GABRB2: variants seen among roughly 807,000 people sequenced by gnomAD.
GABRB2 encodes the protein gamma-aminobutyric acid receptor subunit beta-2.
In GABRB2, 16 loss-of-function variants were observed where a neutral mutation model predicts 54.7. The observed-to-expected ratio is 0.29, with a 90% CI of 0.20 to 0.44. GABRB2 has a LOEUF of 0.44. Among genes scored for constraint, GABRB2 ranks in the 20% least tolerant of loss-of-function variants. The pLI is 1.00. For synonymous variants in GABRB2, 244 were observed against 233.8 expected (o/e 1.04, Z -0.40); for missense variants, 355 against 644.0 (o/e 0.55, Z 4.86).
At chr5:161,347,654 GT>G in intron 5 of GABRB2, among the ~76,000 whole-genome samples, 1 of 152,190 alleles carries the variant, frequency 6.6e-6, no homozygotes, top group East Asian at 1.9e-4. Context: ...CAGCCCACCT[GT>G]GTGAGGACCA....
rs1190636223 is a variant in GABRB2 at position 161,291,253 on chromosome 5, G to A, written c.*2828C>T. 6.6e-6 allele frequency: 1 copy of A among 152,392 alleles called. No individual in the cohort carries two copies. The highest frequency in any genetic ancestry group is 2.4e-5 in the African/African-American group (1 of 41,414). The allele number at this position is 152,392 out of a possible 1,614,324, so 9.4% of individuals were successfully genotyped here. ...CACCTTAATTGCTGGCTATCTGGCT[G>A]TTTATAATTAAAAGAAAATCTATAC... On this transcript the variant is annotated 3_prime_UTR_variant, in exon 10 of 10. Transcript: ENST00000393959.
chr5:161,451,131 A>C (rs1748880432), intron 4 of GABRB2, among the ~76,000 whole-genome samples: 1 of 152,150 alleles, frequency 6.6e-6, no homozygotes, highest in Non-Finnish European at 1.5e-5. Context: ...AAGAGGATAA[A>C]ATTAATAAAA....
chr5:161,296,670 A>G (rs1001001146), intron 9 of GABRB2, among the ~76,000 whole-genome samples: 1 of 152,248 alleles, frequency 6.6e-6, no homozygotes, highest in Non-Finnish European at 1.5e-5. Flanking sequence ...GAATTAAAAA[A>G]AAAATGATTG....
At chr5:161,327,252 G>A (rs548871810) in intron 8 of GABRB2, among the ~76,000 whole-genome samples, 5 of 152,230 alleles carry the variant, frequency 3.3e-5, no homozygotes, top group African/African-American at 1.2e-4. Context: ...TGAAGACAAC[G>A]GTGAAAGTGA....
At chr5:161,398,986 C>A (rs1300775732) in intron 5 of GABRB2, among the ~76,000 whole-genome samples, 1 of 152,098 alleles carries the variant, frequency 6.6e-6, no homozygotes, top group Non-Finnish European at 1.5e-5. Flanking sequence ...TGGTTTTGCA[C>A]CTGCCTTCTA....
At chr5:161,466,066 G>C (rs1758266908) in intron 3 of GABRB2, among the ~76,000 whole-genome samples, 1 of 151,950 alleles carries the variant, frequency 6.6e-6, no homozygotes. Flanking sequence ...CCATGTCTTT[G>C]ATGGGTAGCA....
intron 5 of GABRB2, among the ~76,000 whole-genome samples, chr5:161,389,058 G>A (rs552873024): frequency 4.9e-4 from 74 of 152,052 alleles, no homozygotes; most frequent in African/African-American, 1.7e-3. Flanking sequence ...CCCTGATTCT[G>A]TCATTAACCA....
At chr5:161,404,518 C>T (rs1756290196) in intron 5 of GABRB2, among the ~76,000 whole-genome samples, 1 of 152,028 alleles carries the variant, frequency 6.6e-6, no homozygotes, top group Non-Finnish European at 1.5e-5. Context: ...CACATGCACA[C>T]ATACCTTCTC....
At chr5:161,451,091 C>T (rs1287271110) in intron 4 of GABRB2, among the ~76,000 whole-genome samples, 2 of 152,122 alleles carry the variant, frequency 1.3e-5, no homozygotes, top group African/African-American at 4.8e-5. Flanking sequence ...ACTACTCAGT[C>T]ATCCTGTGGT....
intron 9 of GABRB2, among the ~76,000 whole-genome samples, chr5:161,319,581 C>G (rs908164141): frequency 3.3e-5 from 5 of 151,222 alleles, no homozygotes; most frequent in Admixed American, 3.3e-4. Flanking sequence ...AAAAATTTTC[C>G]CCACTAATGT....
At chr5:161,428,287 A>G (rs1757068341) in intron 4 of GABRB2, among the ~76,000 whole-genome samples, 2 of 128,928 alleles carry the variant, frequency 1.6e-5, no homozygotes, top group African/African-American at 6.1e-5. Context: ...TCAGAGAGTT[A>G]CGTGTGTGTG....
chr5:161,540,716 C>T (rs567188933), intron 3 of GABRB2, among the ~76,000 whole-genome samples: 1 of 152,250 alleles, frequency 6.6e-6, no homozygotes, highest in African/African-American at 2.4e-5. Flanking sequence ...GTTGTGTTAG[C>T]AAGCATGAAA....
chr5:161,393,581 A>T lies in GABRB2; in HGVS notation c.541+17394T>A, dbSNP rs144491898. Among the ~76,000 whole-genome samples, 1,132 of 152,140 alleles carry T rather than the reference A, an allele frequency of 7.4e-3. 15 individuals carry two copies. The highest frequency in any genetic ancestry group is 0.025 in the African/African-American group (1,025 of 41,562). ...CAAAGAGAAAAATATTTATTATGCA[A>T]AAAGTATGGATAATGTCAGAAAGGT... is the stretch of plus-strand genomic sequence containing the variant. On this transcript the variant is annotated intron_variant, in intron 5 of 9. Coordinates refer to ENST00000393959, the MANE Select transcript of GABRB2 (RefSeq NM_001371727.1).
chr5:161,542,221 T>C (rs1013969235), intron 3 of GABRB2, among the ~76,000 whole-genome samples: 22 of 152,172 alleles, frequency 1.4e-4, no homozygotes, highest in South Asian at 4.2e-4. Flanking sequence ...ACAGAAAATA[T>C]AATAATAATG....
intron 4 of GABRB2, among the ~76,000 whole-genome samples, chr5:161,429,357 A>AAAAAAAAAAAAAAAAAAAAAT (rs1402875797): frequency 1.3e-4 from 14 of 108,242 alleles, no homozygotes; most frequent in African/African-American, 4.0e-4. Flanking sequence ...AAAAAAAAAA[A>AAAAAAAAAAAAAAAAAAAAAT]AGAAAAAGAA....
At chr5:161,407,692 G>T (rs1161950281) in intron 5 of GABRB2, among the ~76,000 whole-genome samples, 1 of 152,014 alleles carries the variant, frequency 6.6e-6, no homozygotes, top group Non-Finnish European at 1.5e-5. Context: ...TTCAGAGAGA[G>T]ATATAAACAC....
intron 3 of GABRB2, among the ~76,000 whole-genome samples, chr5:161,472,688 A>G (rs780900618): frequency 3.9e-5 from 6 of 151,940 alleles, no homozygotes; most frequent in Non-Finnish European, 7.4e-5. Flanking sequence ...CAGAGGGTGT[A>G]CTTTAGCACT....
At chr5:161,365,705 G>A (rs1304348017) in intron 5 of GABRB2, among the ~76,000 whole-genome samples, 2 of 152,110 alleles carry the variant, frequency 1.3e-5, no homozygotes, top group African/African-American at 2.4e-5. Flanking sequence ...CTAGTAAGCA[G>A]CAGAGCCATG....
At chr5:161,350,046 T>C (rs1000827619) in intron 5 of GABRB2, among the ~76,000 whole-genome samples, 3 of 152,142 alleles carry the variant, frequency 2.0e-5, no homozygotes, top group Non-Finnish European at 4.4e-5. Context: ...AAATTAGGTA[T>C]AGAAGGAATG....
Sources: allele counts gnomAD v4.1 joint callset (sites outside exome capture counted in the v4.1 genomes callset), GRCh38; gene constraint gnomAD v4.1.1; transcripts MANE v1.5; gene names NCBI Gene and HGNC (gene_info 2026-07-23, HGNC 2026-07-21).